GRB10: variants seen among roughly 807,000 people sequenced by gnomAD.
GRB10 encodes growth factor receptor bound protein 10.
GRB10 carries 20 observed loss-of-function variants against 80.9 expected under a neutral mutation model. The ratio of observed to expected loss-of-function variants is 0.25; its 90% confidence interval spans 0.17 to 0.36. The LOEUF is 0.36. Ranked by LOEUF, GRB10 falls within the 10% of genes least tolerant of loss-of-function variation. The pLI is 1.00. For synonymous variants in GRB10, 291 were observed against 291.5 expected (o/e 1.00, Z 0.02); for missense variants, 548 against 747.7 (o/e 0.73, Z 3.12).
intron 7 of GRB10, among the ~76,000 whole-genome samples, chr7:50,649,457 T>C (rs1586329285): frequency 6.6e-6 from 1 of 151,886 alleles, no homozygotes. Flanking sequence ...AGCTGGCAAA[T>C]GTGAGGGACC....
At chr7:50,642,303 CACACACACACACATACAA>C (rs2056400133) in intron 7 of GRB10, among the ~76,000 whole-genome samples, 1 of 147,948 alleles carries the variant, frequency 6.8e-6, no homozygotes, top group African/African-American at 2.6e-5. Flanking sequence ...CACACGCATG[CACACACACACACATACAA>C]ACACATGCAC....
intron 7 of GRB10, among the ~76,000 whole-genome samples, chr7:50,642,151 T>C (rs1299284418): frequency 1.3e-5 from 2 of 152,064 alleles, no homozygotes; most frequent in Admixed American, 6.5e-5. Context: ...CTCAGAGGCC[T>C]AAGCAGGAGG....
chr7:50,731,998 G>A (rs1327145169), intron 4 of GRB10, among the ~76,000 whole-genome samples: 1 of 152,230 alleles, frequency 6.6e-6, no homozygotes, highest in Non-Finnish European at 1.5e-5. Context: ...CTCTCAGGGG[G>A]CAACTCTGTA....
At chr7:50,756,408 G>A (rs942414098) in intron 2 of GRB10, among the ~76,000 whole-genome samples, 7 of 152,146 alleles carry the variant, frequency 4.6e-5, no homozygotes, top group African/African-American at 1.2e-4. Context: ...AATTCACTTC[G>A]GGCCCAGGTC....
chr7:50,771,033 T>TGTGGAAC (rs2076936069), intron 2 of GRB10, among the ~76,000 whole-genome samples: 1 of 152,156 alleles, frequency 6.6e-6, no homozygotes, highest in African/African-American at 2.4e-5. Context: ...CAATGTGCCC[T>TGTGGAAC]GTGGAACAGT....
At chr7:50,752,223 A>G (rs1234720989) in intron 3 of GRB10, among the ~76,000 whole-genome samples, 3 of 152,116 alleles carry the variant, frequency 2.0e-5, no homozygotes, top group African/African-American at 4.8e-5. Flanking sequence ...ATTAGGGGGG[A>G]AAAAATGAGG....
chr7:50,773,999 A>C (rs956648883), intron 2 of GRB10, among the ~76,000 whole-genome samples: 1 of 152,220 alleles, frequency 6.6e-6, no homozygotes, highest in Non-Finnish European at 1.5e-5. Flanking sequence ...CTGGGACTAC[A>C]CATACAAGGG....
chr7:50,790,877 C>T (rs2078883526), intron 1 of GRB10, among the ~76,000 whole-genome samples: 1 of 152,152 alleles, frequency 6.6e-6, no homozygotes, highest in African/African-American at 2.4e-5. Flanking sequence ...TAGCCTGTAC[C>T]CGGAAAGATC....
chr7:50,624,494 A>G (rs1220727369), intron 8 of GRB10, among the ~76,000 whole-genome samples: 1 of 152,258 alleles, frequency 6.6e-6, no homozygotes. Flanking sequence ...GTTAAACAGC[A>G]ACTTAAATTA....
rs141373220 is a variant in GRB10 at position 50,686,590 on chromosome 7, G to A, written c.140-11932C>T. Reference sequence around the variant, plus strand: ...GAGATTTCACAGTGGGGAGTCATGAGAGAGGAAAAGACTCATGTTTTGATT... The same window carrying A: ...GAGATTTCACAGTGGGGAGTCATGAAAGAGGAAAAGACTCATGTTTTGATT... On this transcript the variant is annotated intron_variant, in intron 5 of 18. Coordinates refer to ENST00000401949, the MANE Select transcript of GRB10 (RefSeq NM_001350814.2). Among the ~76,000 whole-genome samples the A allele has an allele frequency of 1.7e-3, 259 of 152,316 alleles. 2 individuals are homozygous for A. Among genetic ancestry groups the A allele is most frequent in the African/African-American group, 6.2e-3 (258 of 41,572 alleles).
At chr7:50,774,181 T>C (rs541846748) in intron 2 of GRB10, among the ~76,000 whole-genome samples, 3 of 152,106 alleles carry the variant, frequency 2.0e-5, no homozygotes, top group East Asian at 1.9e-4. Flanking sequence ...TAGAGTTCCT[T>C]AGGGTTGGGA....
chr7:50,652,402 G>A (rs182346280), intron 7 of GRB10, among the ~76,000 whole-genome samples: 3 of 152,178 alleles, frequency 2.0e-5, no homozygotes, highest in East Asian at 3.9e-4. Context: ...GAACAACTTC[G>A]GTTTCTATAG....
chr7:50,633,485 C>T (rs1415338366), intron 7 of GRB10, among the ~76,000 whole-genome samples: 1 of 152,140 alleles, frequency 6.6e-6, no homozygotes, highest in Non-Finnish European at 1.5e-5. Flanking sequence ...GAAACCAACA[C>T]AAGAACTCCA....
rs755085802 is a variant in GRB10, at chr7:50,604,090, G to C, written c.1457-5C>G. On this transcript the variant is annotated splice_polypyrimidine_tract_variant and splice_region_variant and intron_variant, in intron 16 of 18. Coordinates refer to ENST00000401949, the MANE Select transcript of GRB10 (RefSeq NM_001350814.2). ...AGTGCTGTGTCCTGTGAATCACTGT[G>C]GGGGGAAGACAGGAGGAGGGTAGGA... The C allele has an allele frequency of 5.0e-6, 8 of 1,610,460 alleles. No individual in the cohort carries two copies. The Admixed American group carries it at 5.0e-5, about 10-fold the overall frequency.
chr7:50,617,966 T>G (rs2050964532), intron 10 of GRB10, 105 bp downstream of exon 10: 2 of 966,878 alleles, frequency 2.1e-6, no homozygotes. Flanking sequence ...TTATAAATGG[T>G]GAAAGATGCG....
chr7:50,694,370 C>T (rs147658418), intron 5 of GRB10, among the ~76,000 whole-genome samples: 45 of 152,140 alleles, frequency 3.0e-4, no homozygotes, highest in African/African-American at 1.1e-3. Flanking sequence ...CAATCCATCA[C>T]GAGGCCACTG....
At chr7:50,739,884 A>C (rs1205837010) in intron 3 of GRB10, among the ~76,000 whole-genome samples, 1 of 151,832 alleles carries the variant, frequency 6.6e-6, no homozygotes, top group East Asian at 1.9e-4. Context: ...CTCCTCCCTG[A>C]CTCAGGAGAG....
intron 2 of GRB10, among the ~76,000 whole-genome samples, chr7:50,775,169 AAAAAC>A (rs1447378574): frequency 0.036 from 4,259 of 119,892 alleles, 728 homozygotes; most frequent in African/African-American, 0.12. Context: ...TCCAAAAAAA[AAAAAC>A]AAAAAAAAAC....
chr7:50,604,463 T>C, intron 15 of GRB10, 86 bp from the exon 16 acceptor site: 9 of 1,121,132 alleles, frequency 8.0e-6, no homozygotes, highest in East Asian at 2.3e-5. Context: ...GGCAGGCCAC[T>C]GGGTGGGGTG....
Sources: gnomAD v4.1 joint callset for allele counts (sites outside exome capture counted in the v4.1 genomes callset) on GRCh38, gnomAD v4.1.1 for gene constraint, MANE v1.5 for transcripts, NCBI Gene and HGNC (gene_info 2026-07-23, HGNC 2026-07-21) for gene names.